Variants in SRSF9 observed in about 807,000 individuals in gnomAD.
The protein encoded by SRSF9 is serine/arginine-rich splicing factor 9.
In SRSF9, 3 loss-of-function variants were observed where a neutral mutation model predicts 25.9. That is an observed-to-expected ratio of 0.12 (90% CI 0.05 to 0.30). The LOEUF (loss-of-function observed/expected upper bound fraction) is 0.30, where lower values mean the gene tolerates loss of function less well. SRSF9 is among the 10% of genes least tolerant of loss of function. SRSF9 has a pLI of 1.00. For synonymous variants in SRSF9, 114 were observed against 113.2 expected (o/e 1.01, Z -0.05); for missense variants, 161 against 303.5 (o/e 0.53, Z 3.49).
chr12:120,462,831 A>T (rs1025656730), intron 3 of SRSF9: 8 of 152,228 alleles, frequency 5.3e-5, no homozygotes, highest in African/African-American at 1.9e-4. Context: ...AAGGGGAAAG[A>T]AGCCGGATGC....
intron 1 of SRSF9, among the ~76,000 whole-genome samples, chr12:120,467,570 C>T (rs894916143): frequency 4.6e-5 from 7 of 152,092 alleles, no homozygotes; most frequent in African/African-American, 1.4e-4. Flanking sequence ...TAGTAGTCAT[C>T]TCTGGGTAAG....
rs1565916262 is a variant in SRSF9, at chr12:120,462,171, C to A, written c.523-9G>T. On this transcript the variant is annotated splice_polypyrimidine_tract_variant and intron_variant, in intron 3 of 3. Coordinates refer to ENST00000229390, the MANE Select transcript of SRSF9 (RefSeq NM_003769.3). ...ATGTAGGAAGTTTCACCCTGAAATG[C>A]AAACAAAAACAAAAAGAGTAAAGGG... is the stretch of plus-strand genomic sequence containing the variant. The A allele has an allele frequency of 5.0e-6, 8 of 1,596,394 alleles. No individual in the cohort carries two copies. Among genetic ancestry groups the A allele is most frequent in the Admixed American group, 3.6e-5 (2 of 55,620 alleles).
chr12:120,463,804 CA>C (rs918990109), intron 3 of SRSF9, 145 bp downstream of exon 3: 1 of 919,132 alleles, frequency 1.1e-6, no homozygotes, highest in Non-Finnish European at 1.6e-6. Flanking sequence ...TTAGGCATAG[CA>C]AATTCCATGG....
At chr12:120,463,747 A>G in intron 3 of SRSF9, 1 of 542,278 alleles carries the variant, frequency 1.8e-6, no homozygotes, top group Non-Finnish European at 3.2e-6. Flanking sequence ...ATTAAAAAAC[A>G]AACGTACCAT....
intron 1 of SRSF9, among the ~76,000 whole-genome samples, 182 bp from the exon 2 acceptor site, chr12:120,465,969 T>C (rs768191908): frequency 4.6e-5 from 7 of 152,190 alleles, no homozygotes; most frequent in Non-Finnish European, 8.8e-5. Context: ...TTCATGATAC[T>C]GGAATTAACC....
At chr12:120,467,153 G>A (rs1256665458) in intron 1 of SRSF9, among the ~76,000 whole-genome samples, 1 of 151,652 alleles carries the variant, frequency 6.6e-6, no homozygotes, top group Non-Finnish European at 1.5e-5. Context: ...CCTTGACTAC[G>A]TAAAATGCAG....
At chr12:120,465,503 G>C in intron 2 of SRSF9, 124 bp downstream of exon 2, 1 of 1,079,452 alleles carries the variant, frequency 9.3e-7, no homozygotes, top group Non-Finnish European at 1.2e-6. Context: ...GCTTCACACA[G>C]GCTATTGAAA....
rs1445525577 is a variant in SRSF9, at chr12:120,465,743, C to A, written c.233G>T (p.Gly78Val). ...AIYGRNGYDY[G>V]QCRLRVEFPR... ...GAACTCCACACGAAGCCGACACTGGCCATAATCATAACCATTTCTTCCATA... is the reference window on the plus strand; with the variant it reads ...GAACTCCACACGAAGCCGACACTGGACATAATCATAACCATTTCTTCCATA... The change falls in exon 2 of 4, where the codon GGC becomes GTC. Residue 78 changes from glycine to valine, a missense_variant. Coordinates refer to ENST00000229390, the MANE Select transcript of SRSF9 (RefSeq NM_003769.3). The A allele has an allele frequency of 6.2e-7, 1 of 1,602,290 alleles. No homozygotes were observed. Among genetic ancestry groups the A allele is most frequent in the Non-Finnish European group, 8.5e-7 (1 of 1,176,304 alleles).
rs919351574 is a variant in SRSF9 at position 120,469,699 on chromosome 12, G to A, written c.-90C>T. 2 of 836,254 alleles carry A rather than the reference G, an allele frequency of 2.4e-6. No homozygotes were observed. The highest frequency in any genetic ancestry group is 4.5e-5 in the East Asian group (1 of 22,146). 51.8% of individuals were successfully genotyped at this position (836,254 alleles called of 1,614,324 possible). A position where few individuals can be genotyped will look rare whatever the true frequency, so the allele number is the denominator to read the frequency against. On this transcript the variant is annotated 5_prime_UTR_variant, in exon 1 of 4. Transcript: ENST00000229390. ...CCCCCGCAGCGTCCCCGCGGGCTCC[G>A]AGGCGCTCAGCCGCACTGCATTGTG...
At position 120,469,696 on chromosome 12, in the gene SRSF9, T is replaced by C. The variant is rs562246067; in HGVS notation, c.-87A>G. The stretch of plus-strand genomic sequence containing the variant: ...GTCCCCCCGCAGCGTCCCCGCGGGC[T>C]CCGAGGCGCTCAGCCGCACTGCATT... On this transcript the variant is annotated 5_prime_UTR_variant, in exon 1 of 4. Transcript: ENST00000229390. 81 of 856,304 alleles carry C rather than the reference T, an allele frequency of 9.5e-5. No homozygotes were observed. Among genetic ancestry groups the C allele is most frequent in the Middle Eastern group, 7.2e-4 (2 of 2,764 alleles). The allele number at this position is 856,304 out of a possible 1,614,324, so 53.0% of individuals were successfully genotyped here. A position where few individuals can be genotyped will look rare whatever the true frequency, so the allele number is the denominator to read the frequency against.
chr12:120,468,774 G>C (rs1038344242), intron 1 of SRSF9, among the ~76,000 whole-genome samples: 1 of 152,336 alleles, frequency 6.6e-6, no homozygotes. Context: ...TAGGAATCTA[G>C]AGTTTCCAAA....
rs1454483547 is a variant in SRSF9 at position 120,461,982 on chromosome 12, A to C, written c.*37T>G. The stretch of plus-strand genomic sequence containing the variant: ...ATTCTGAGCACAAAGCAGCTCAGTT[A>C]ACCTAAAAAATAAAGAAAAAATTCC... On this transcript the variant is annotated 3_prime_UTR_variant, in exon 4 of 4. Coordinates refer to ENST00000229390, the MANE Select transcript of SRSF9 (RefSeq NM_003769.3). 1.3e-6 allele frequency: 2 copies of C among 1,576,040 alleles called. No homozygotes were observed. Among genetic ancestry groups the C allele is most frequent in the Non-Finnish European group, 1.7e-6 (2 of 1,159,460 alleles).
At chr12:120,468,656 G>A (rs1160620180) in intron 1 of SRSF9, among the ~76,000 whole-genome samples, 2 of 152,180 alleles carry the variant, frequency 1.3e-5, no homozygotes, top group African/African-American at 2.4e-5. Context: ...CCAGGTCAGC[G>A]CCGCAGCTGC....
intron 3 of SRSF9, 109 bp from the exon 4 acceptor site, chr12:120,462,271 T>G: frequency 8.3e-7 from 1 of 1,200,646 alleles, no homozygotes; most frequent in South Asian, 1.6e-5. Context: ...ACTTACTGTG[T>G]ACTCTGTGCC....
At chr12:120,468,921 C>A (rs910438793) in intron 1 of SRSF9, among the ~76,000 whole-genome samples, 2 of 151,926 alleles carry the variant, frequency 1.3e-5, no homozygotes, top group African/African-American at 2.4e-5. Flanking sequence ...GCCTGCGGGG[C>A]GGGGCGCGCG....
At chr12:120,466,365 G>A (rs1878482082) in intron 1 of SRSF9, among the ~76,000 whole-genome samples, 1 of 151,984 alleles carries the variant, frequency 6.6e-6, no homozygotes, top group South Asian at 2.1e-4. Flanking sequence ...GAAAAAAAAA[G>A]TAGCCAGTTA....
At chr12:120,469,380 T>G in intron 1 of SRSF9, 42 bp downstream of exon 1, 3 of 1,506,380 alleles carry the variant, frequency 2.0e-6, no homozygotes, top group Non-Finnish European at 2.7e-6. Context: ...GGCGGGGGCC[T>G]CAGGCACCGA....
In SRSF9 at chr12:120,462,062, C is replaced by T. The variant is rs750984394; in HGVS notation, c.623G>A (p.Ser208Asn). 1 of 1,611,884 alleles carries T rather than the reference C, an allele frequency of 6.2e-7. No individual in the cohort carries two copies. The highest frequency in any genetic ancestry group is 8.5e-7 in the Non-Finnish European group (1 of 1,179,858). The change falls in exon 4 of 4, where the codon AGC becomes AAC. Residue 208 changes from serine to asparagine, a missense_variant. Around this residue, in one of 3 missense-constraint regions of SRSF9, gnomAD observed 21 missense variants for 20.1 expected, o/e 1.05. Coordinates refer to ENST00000229390, the MANE Select transcript of SRSF9 (RefSeq NM_003769.3). Reference protein sequence around the residue: ...GSRGRDSPYQSRGSPHYFSPF... With the variant: ...GSRGRDSPYQNRGSPHYFSPF... ...AGAGAAGTAGTGTGGGGAACCCCTG[C>T]TTTGGTATGGAGAGTCACGGCCCCT...
At chr12:120,462,249 T>TACTGCCATTGATCCCCCTCA in intron 3 of SRSF9, 87 bp from the exon 4 acceptor site, 1 of 1,423,582 alleles carries the variant, frequency 7.0e-7, no homozygotes, top group Non-Finnish European at 9.6e-7. Context: ...CAATAATAGT[T>TACTGCCATTGATCCCCCTCA]AAGTATTGAG....
Sources: allele counts gnomAD v4.1 joint callset (sites outside exome capture counted in the v4.1 genomes callset), GRCh38; gene constraint gnomAD v4.1.1; regional missense constraint gnomAD v4.1.1; transcripts MANE v1.5; gene names NCBI Gene and HGNC (gene_info 2026-07-23, HGNC 2026-07-21).